The following TMPRSS6 variants were observed in gnomAD, a reference collection of about 807,000 sequenced individuals.
The protein encoded by TMPRSS6 is transmembrane protease serine 6.
Under a neutral mutation model 101.5 loss-of-function variants are expected in TMPRSS6, and 67 were observed. That is an observed-to-expected ratio of 0.66 (90% CI 0.54 to 0.81). TMPRSS6 has a LOEUF of 0.81. Ranked by LOEUF, TMPRSS6 falls within the 30% of genes least tolerant of loss-of-function variation. The probability of loss-of-function intolerance (pLI) is 0.00; values close to 1 mark genes in which losing one functional copy is unlikely to be tolerated. For synonymous variants in TMPRSS6, 453 were observed against 464.9 expected (o/e 0.97, Z 0.33); for missense variants, 1,034 against 1,088.7 (o/e 0.95, Z 0.71).
At chr22:37,082,101 G>A (rs181329182) in intron 10 of TMPRSS6, among the ~76,000 whole-genome samples, 1 of 152,312 alleles carries the variant, frequency 6.6e-6, no homozygotes, top group East Asian at 1.9e-4. Context: ...ATGGGGTGGA[G>A]CATCCTTTGG....
intron 1 of TMPRSS6, among the ~76,000 whole-genome samples, chr22:37,107,288 T>A (rs1175068802): frequency 1.3e-5 from 2 of 152,144 alleles, no homozygotes; most frequent in African/African-American, 4.8e-5. Flanking sequence ...TGGCACATGG[T>A]GACTCTAAGA....
chr22:37,085,869 C>A lies in TMPRSS6; in HGVS notation c.973+414G>T, dbSNP rs529986468. On this transcript the variant is annotated intron_variant, in intron 8 of 17. Transcript: ENST00000676104. The stretch of plus-strand genomic sequence containing the variant: ...GTCCTGCTGCAAACAGACCCGTGTT[C>A]CAGGCCCAGCCACCGGTGGGTGCCA... 3.9e-5 allele frequency among the ~76,000 whole-genome samples: 6 copies of A among 152,088 alleles called. No individual in the cohort carries two copies. The East Asian group carries it at 1.2e-3, about 29-fold the overall frequency.
At chr22:37,066,539 G>T (rs1926307406) in intron 17 of TMPRSS6, among the ~76,000 whole-genome samples, 1 of 152,196 alleles carries the variant, frequency 6.6e-6, no homozygotes. Flanking sequence ...ACCTCACTGT[G>T]GGACCCTGGG....
chr22:37,077,875 C>T (rs1449576810), intron 10 of TMPRSS6, among the ~76,000 whole-genome samples: 2 of 152,150 alleles, frequency 1.3e-5, no homozygotes, highest in Non-Finnish European at 2.9e-5. Flanking sequence ...AGTCATTTTG[C>T]GGAGAGTGAC....
At chr22:37,083,186 G>A (rs1002594241) in intron 10 of TMPRSS6, 19 of 421,396 alleles carry the variant, frequency 4.5e-5, no homozygotes, top group East Asian at 2.1e-4. Context: ...CCCAACCTGC[G>A]ATGAAGGATA....
At chr22:37,066,530 C>T (rs1457787088) in intron 17 of TMPRSS6, among the ~76,000 whole-genome samples, 1 of 152,246 alleles carries the variant, frequency 6.6e-6, no homozygotes, top group African/African-American at 2.4e-5. Flanking sequence ...CATGCATCCA[C>T]CTCACTGTGG....
In TMPRSS6 at chr22:37,104,962, G is replaced by GAA. The variant is rs57543962; in HGVS notation, c.-1-1546_-1-1545dup. Among the ~76,000 whole-genome samples the GAA allele has an allele frequency of 7.5e-3, 1,078 of 143,584 alleles. 14 individuals are homozygous for GAA. The highest frequency in any genetic ancestry group is 0.026 in the African/African-American group (1,016 of 39,046). The allele number at this position is 143,584 out of a possible 152,430, so 94.2% of individuals were successfully genotyped here. ...GGTGACAGAGCAAGACTCTGCTTGAGAAAAAAAAAAACATAAAAAAATAAA... is the reference window on the plus strand; with the variant it reads ...GGTGACAGAGCAAGACTCTGCTTGAGAAAAAAAAAAAAACATAAAAAAATAAA... On this transcript the variant is annotated intron_variant, in intron 1 of 17. Transcript: ENST00000676104.
rs1037505610 is a variant in TMPRSS6, at chr22:37,069,017, C to G, written c.2113+56G>C. 6 of 1,529,024 alleles carry G rather than the reference C, an allele frequency of 3.9e-6. No homozygotes were observed. The highest frequency in any genetic ancestry group is 2.4e-5 in the East Asian group (1 of 40,836). The allele number at this position is 1,529,024 out of a possible 1,614,324, so 94.7% of individuals were successfully genotyped here. Reference sequence around the variant, plus strand: ...CCGCCCTTCTCCAGGCCAGGTGTTACGGCGCAGATCCGCACGGTCTCCCTC... The same window carrying G: ...CCGCCCTTCTCCAGGCCAGGTGTTAGGGCGCAGATCCGCACGGTCTCCCTC... On this transcript the variant is annotated intron_variant, in intron 16 of 17. Coordinates refer to ENST00000676104, the MANE Select transcript of TMPRSS6 (RefSeq NM_001374504.1). The surrounding 1 kb of genome is among the most constrained non-coding windows in gnomAD (Gnocchi z 4.8).
At position 37,080,104 on chromosome 22, in the gene TMPRSS6, G is replaced by A. The variant is rs569048047; in HGVS notation, c.1196+4191C>T. The A allele has an allele frequency of 2.0e-5, 3 of 152,442 alleles. No homozygotes were observed. The East Asian group carries it at 5.8e-4, about 29-fold the overall frequency. 9.4% of individuals were successfully genotyped at this position (152,442 alleles called of 1,614,324 possible). ...CAGGTTCCCGGAAAGGGGGAAGCCC[G>A]TGCTTCGGTGGCAGCCCGTGAGAGT... is the stretch of plus-strand genomic sequence containing the variant. On this transcript the variant is annotated intron_variant, in intron 10 of 17. Transcript: ENST00000676104.
In TMPRSS6 at chr22:37,103,747, ACAGACAGAACTGAAGTACATGGGGTG is replaced by A. The variant is rs1272949736; in HGVS notation, c.-1-355_-1-330del. ...ACCCACCTCCCTAGAGGCTGCACCC[ACAGACAGAACTGAAGTACATGGGGTG>A]CAGACTTCTGTAGACATCTGACCTC... On this transcript the variant is annotated intron_variant, in intron 1 of 17. Coordinates refer to ENST00000676104, the MANE Select transcript of TMPRSS6 (RefSeq NM_001374504.1). This position sits in a 1 kb window ranked among gnomAD's most constrained non-coding sequence, Gnocchi z 4.4. 2.9e-6 allele frequency: 2 copies of A among 680,806 alleles called. No individual in the cohort carries two copies. Among genetic ancestry groups the A allele is most frequent in the African/African-American group, 3.5e-5 (2 of 56,544 alleles). The allele number at this position is 680,806 out of a possible 1,614,324, so 42.2% of individuals were successfully genotyped here.
At chr22:37,079,826 T>C (rs1359565917) in intron 10 of TMPRSS6, among the ~76,000 whole-genome samples, 1 of 152,278 alleles carries the variant, frequency 6.6e-6, no homozygotes, top group Non-Finnish European at 1.5e-5. Flanking sequence ...TGCACTCTCC[T>C]GCACGGCCAG....
At chr22:37,074,484 A>T in intron 12 of TMPRSS6, 126 bp downstream of exon 12, 1 of 924,240 alleles carries the variant, frequency 1.1e-6, no homozygotes, top group African/African-American at 1.6e-5. Context: ...AGAGAACCCC[A>T]CTTCCTGGGT....
In TMPRSS6 at chr22:37,096,025, A is replaced by T. The variant is rs1569021553; in HGVS notation, c.470T>A (p.Leu157Gln). Residue 157 changes from leucine (L) to glutamine (Q), a missense_variant, in exon 5 of 18, where the codon CTG becomes CAG. Physicochemically the swap from Leu to Gln is moderately radical, Grantham distance 113 (BLOSUM62 -2). Transcript: ENST00000676104. ...LQIPEHRRLM[L>Q]SPEVVQALLV... The stretch of plus-strand genomic sequence containing the variant: ...CAGTGCCTGCACCACCTCGGGGCTC[A>T]GCATCAGCCGGCGGTGCTCGGGGAT... The T allele has an allele frequency of 6.2e-7, 1 of 1,614,194 alleles. No homozygotes were observed. Among genetic ancestry groups the T allele is most frequent in the Non-Finnish European group, 8.5e-7 (1 of 1,180,012 alleles).
chr22:37,093,835 C>A (rs1029226705), intron 6 of TMPRSS6, among the ~76,000 whole-genome samples: 1 of 151,654 alleles, frequency 6.6e-6, no homozygotes, highest in Non-Finnish European at 1.5e-5. Context: ...CCAGCCTGGC[C>A]AACACGGCAA....
intron 1 of TMPRSS6, among the ~76,000 whole-genome samples, chr22:37,108,758 G>A (rs1930872557): frequency 6.6e-6 from 1 of 152,196 alleles, no homozygotes; most frequent in Admixed American, 6.5e-5. Flanking sequence ...GGTAGAGAGA[G>A]GTAACATGAC....
chr22:37,082,261 C>T (rs935736114), intron 10 of TMPRSS6, among the ~76,000 whole-genome samples: 5 of 152,286 alleles, frequency 3.3e-5, no homozygotes, highest in Middle Eastern at 6.8e-3. Context: ...ATGCACTGAA[C>T]GCCTGTCTTA....
At chr22:37,082,262 G>T (rs544086153) in intron 10 of TMPRSS6, among the ~76,000 whole-genome samples, 2 of 152,104 alleles carry the variant, frequency 1.3e-5, no homozygotes, top group Admixed American at 1.3e-4. Flanking sequence ...TGCACTGAAC[G>T]CCTGTCTTAG....
At chr22:37,071,570 A>G (rs1436665464) in intron 13 of TMPRSS6, among the ~76,000 whole-genome samples, 1 of 152,172 alleles carries the variant, frequency 6.6e-6, no homozygotes, top group Non-Finnish European at 1.5e-5. Context: ...CAATCTTCCT[A>G]CAAGGCAGGA....
intron 3 of TMPRSS6, among the ~76,000 whole-genome samples, chr22:37,097,143 G>C (rs371415404): frequency 3.0e-4 from 45 of 152,334 alleles, no homozygotes; most frequent in African/African-American, 1.0e-3. Context: ...TTTGCGCAGC[G>C]TGGGAATAGT....
Sources: gnomAD v4.1 joint callset for allele counts (sites outside exome capture counted in the v4.1 genomes callset) on GRCh38, gnomAD v4.1.1 for gene constraint, Gnocchi (gnomAD v3.1) non-coding constraint, MANE v1.5 for transcripts, NCBI Gene and HGNC (gene_info 2026-07-23, HGNC 2026-07-21) for gene names.